Variants in VIT observed in about 807,000 individuals in gnomAD.
The protein encoded by VIT is vitrin.
In VIT, 99 loss-of-function variants were observed where a neutral mutation model predicts 78.0. That is an observed-to-expected ratio of 1.27 (90% CI 1.08 to 1.50). The LOEUF (loss-of-function observed/expected upper bound fraction) is 1.50. Among genes scored for constraint, VIT ranks in the 40% most tolerant of loss-of-function variants. VIT has a pLI of 0.00. For synonymous variants in VIT, 374 were observed against 334.3 expected (o/e 1.12, Z -1.29); for missense variants, 1,126 against 875.3 (o/e 1.29, Z -3.61).
At chr2:36,796,500 C>T (rs1045281289) in intron 12 of VIT, among the ~76,000 whole-genome samples, 5 of 152,132 alleles carry the variant, frequency 3.3e-5, no homozygotes, top group African/African-American at 9.7e-5. Context: ...GGGAAAGAGA[C>T]AGGGAATCGA....
At chr2:36,767,813 G>A (rs549147314) in intron 7 of VIT, among the ~76,000 whole-genome samples, 2 of 152,300 alleles carry the variant, frequency 1.3e-5, no homozygotes, top group East Asian at 3.9e-4. Flanking sequence ...TAGGGCCTAA[G>A]GAGCCCATCT....
At chr2:36,733,562 TGAAGAGA>T (rs1325825937) in intron 3 of VIT, among the ~76,000 whole-genome samples, 1 of 127,178 alleles carries the variant, frequency 7.9e-6, no homozygotes, top group Non-Finnish European at 1.9e-5. Flanking sequence ...TTTGAAGATA[TGAAGAGA>T]GAAGAGAGAG....
chr2:36,773,320 CTT>C (rs11464270), intron 7 of VIT, among the ~76,000 whole-genome samples: 1 of 145,710 alleles, frequency 6.9e-6, no homozygotes, highest in Non-Finnish European at 1.5e-5. Context: ...GTTAAATACT[CTT>C]TTTTTTTTTT....
In VIT at chr2:36,759,360, G is replaced by A. The variant is rs907518944; in HGVS notation, c.487+314G>A. Reference sequence around the variant, plus strand: ...TAGAAAATGACATGACATTCTGTCCGGAAATGTTTCCTGGCAGCTAAAAGG... The same window carrying A: ...TAGAAAATGACATGACATTCTGTCCAGAAATGTTTCCTGGCAGCTAAAAGG... On this transcript the variant is annotated intron_variant, in intron 6 of 15. Transcript: ENST00000379242. The A allele has an allele frequency of 3.3e-5, 46 of 1,407,122 alleles. No individual in the cohort carries two copies. In the East Asian group the frequency reaches 4.2e-4, roughly 13 times the overall value. 87.2% of individuals were successfully genotyped at this position (1,407,122 alleles called of 1,614,324 possible).
intron 2 of VIT, among the ~76,000 whole-genome samples, chr2:36,725,720 C>T (rs930774869): frequency 2.0e-5 from 3 of 152,042 alleles, no homozygotes; most frequent in East Asian, 1.9e-4. Flanking sequence ...AAATAATTGC[C>T]AATCCAAGAA....
At chr2:36,700,545 C>G (rs896339528) in intron 1 of VIT, among the ~76,000 whole-genome samples, 1 of 152,006 alleles carries the variant, frequency 6.6e-6, no homozygotes, top group Non-Finnish European at 1.5e-5. Context: ...AGTTTGAGAC[C>G]AGCCCAGGCA....
intron 15 of VIT, among the ~76,000 whole-genome samples, chr2:36,812,752 C>T (rs1220518625): frequency 6.6e-6 from 1 of 152,126 alleles, no homozygotes; most frequent in Non-Finnish European, 1.5e-5. Flanking sequence ...CACATGCTCA[C>T]TTCTTTTTCA....
Position 36,773,798 on chromosome 2 carries a change from G to T in VIT, c.687G>T (p.Trp229Cys), listed in dbSNP as rs1302334492. The change falls in exon 8 of 16, where the codon TGG (tryptophan) becomes TGT (cysteine). Residue 229 changes from tryptophan to cysteine, a missense_variant. Trp to Cys is a radical substitution (Grantham distance 215). Transcript: ENST00000379242. ...AGTCAAATGTCCTTACAGATCTCTG[G>T]TCCACTGCCACCTACACAAGCAGCC... ...VGHRSQEMDLWSTATYTSSQN... is the reference protein window; with the variant it reads ...VGHRSQEMDLCSTATYTSSQN... 2.5e-6 allele frequency: 4 copies of T among 1,599,624 alleles called. No homozygotes were observed. The Admixed American group carries it at 6.7e-5, about 27-fold the overall frequency.
At chr2:36,746,215 C>G (rs931320611) in intron 4 of VIT, among the ~76,000 whole-genome samples, 1 of 151,974 alleles carries the variant, frequency 6.6e-6, no homozygotes, top group Non-Finnish European at 1.5e-5. Flanking sequence ...TGCTAGCACT[C>G]TGTTGAGGAT....
At chr2:36,759,461 T>C (rs1668975471) in intron 6 of VIT, 1 of 1,212,266 alleles carries the variant, frequency 8.2e-7, no homozygotes, top group African/African-American at 1.6e-5. Flanking sequence ...AACAGCAAGC[T>C]GCTCATCCAA....
chr2:36,719,581 A>G (rs1666368432), intron 2 of VIT, among the ~76,000 whole-genome samples: 2 of 30,854 alleles, frequency 6.5e-5, no homozygotes, highest in Admixed American at 5.6e-4. Flanking sequence ...GATAGTATCA[A>G]AAAAAAACTA....
At chr2:36,812,235 T>A (rs1167865812) in intron 15 of VIT, among the ~76,000 whole-genome samples, 1 of 151,956 alleles carries the variant, frequency 6.6e-6, no homozygotes, top group Non-Finnish European at 1.5e-5. Flanking sequence ...GCAGCTTAGG[T>A]CAGAGCCACG....
Position 36,808,729 on chromosome 2 carries a change from C to A in VIT, c.1647C>A (p.Ile549=). The A allele has an allele frequency of 6.2e-7, 1 of 1,614,224 alleles. No individual in the cohort carries two copies. The highest frequency in any genetic ancestry group is 8.5e-7 in the Non-Finnish European group (1 of 1,180,042). The change falls in exon 15 of 16, where the codon ATC becomes ATA. Residue 549 remains isoleucine, a synonymous_variant. Transcript: ENST00000379242. ...AGATTTCCGACACGGACACGCGCAT[C>A]GGGGCCGTGCAGTACACCTACGAAC... ...EFEISDTDTR[I]GAVQYTYEQR...
chr2:36,811,378 A>C (rs961401857), intron 15 of VIT, among the ~76,000 whole-genome samples: 8 of 152,324 alleles, frequency 5.3e-5, no homozygotes, highest in African/African-American at 1.7e-4. Flanking sequence ...CCTCAATCAG[A>C]GGGTATCCTT....
intron 4 of VIT, among the ~76,000 whole-genome samples, chr2:36,745,169 G>A (rs752014431): frequency 2.6e-5 from 4 of 151,964 alleles, no homozygotes; most frequent in African/African-American, 4.8e-5. Flanking sequence ...CTTTTCCGTC[G>A]TCTACATGTC....
In VIT at chr2:36,782,270, C is replaced by G. The variant is rs116780295; in HGVS notation, c.847+499C>G. Among the ~76,000 whole-genome samples the G allele has an allele frequency of 5.0e-3, 764 of 152,324 alleles. 5 individuals are homozygous for G. Among genetic ancestry groups the G allele is most frequent in the Non-Finnish European group, 7.4e-3 (506 of 68,032 alleles). On this transcript the variant is annotated intron_variant, in intron 10 of 15. Coordinates refer to ENST00000379242, the MANE Select transcript of VIT (RefSeq NM_053276.4). ...GGAGGTGAAGGAGAGGACTCCGCCT[C>G]TGGACTTGTACTTCTCCCCTTCCTC...
intron 3 of VIT, among the ~76,000 whole-genome samples, chr2:36,735,025 G>A (rs543486030): frequency 3.4e-4 from 51 of 152,172 alleles, no homozygotes; most frequent in Non-Finnish European, 6.3e-4. Context: ...TTTGCCGGGC[G>A]TGGTGGCAGG....
intron 1 of VIT, among the ~76,000 whole-genome samples, chr2:36,713,368 T>C (rs928346932): frequency 6.6e-6 from 1 of 152,142 alleles, no homozygotes. Context: ...TAAAGATTAC[T>C]AACTGAGCAG....
At chr2:36,707,819 C>G (rs1457219582) in intron 1 of VIT, among the ~76,000 whole-genome samples, 1 of 151,008 alleles carries the variant, frequency 6.6e-6, no homozygotes, top group East Asian at 1.9e-4. Context: ...CCCTGCCTTC[C>G]TTACCTACTT....
Sources: allele counts gnomAD v4.1 joint callset (sites outside exome capture counted in the v4.1 genomes callset), GRCh38; gene constraint gnomAD v4.1.1; transcripts MANE v1.5; gene names NCBI Gene and HGNC (gene_info 2026-07-23, HGNC 2026-07-21).